GBA1: variants seen among roughly 807,000 people sequenced by gnomAD.
The protein encoded by GBA1 is glucosylceramidase beta 1, also known as lysosomal acid glucosylceramidase.
chr1:155,235,453 G>A, the GBA1 span: 6 of 1,398,710 alleles, frequency 4.3e-6, no homozygotes, highest in African/African-American at 8.6e-5. Context: ...CCATGCTGCT[G>A]GGCACTGACC....
the GBA1 span, chr1:155,244,501 C>T: frequency 6.6e-6 from 1 of 152,348 alleles, no homozygotes; most frequent in African/African-American, 2.4e-5. Flanking sequence ...ATTCATTACG[C>T]CTACCGTCGG....
the GBA1 span, chr1:155,241,015 C>T: frequency 2.2e-6 from 3 of 1,378,390 alleles, no homozygotes; most frequent in African/African-American, 2.9e-5. Flanking sequence ...GAGAGTCTGT[C>T]ATTCATTAAA....
At chr1:155,235,976 T>C in the GBA1 span, 1 of 1,045,700 alleles carries the variant, frequency 9.6e-7, no homozygotes, top group Non-Finnish European at 1.5e-6. Flanking sequence ...CCTTAGTAGC[T>C]AAGGAGTTGG....
At chr1:155,238,658 A>G in the GBA1 span, 1 of 1,613,750 alleles carries the variant, frequency 6.2e-7, no homozygotes, top group South Asian at 1.1e-5. Flanking sequence ...TTCCTACAGA[A>G]AAGGATGATC....
chr1:155,242,643 C>CA, the GBA1 span, among the ~76,000 whole-genome samples: 1 of 149,436 alleles, frequency 6.7e-6, no homozygotes, highest in Admixed American at 6.7e-5. Flanking sequence ...GGTTTTGAGA[C>CA]AGAGTCTTGC....
the GBA1 span, chr1:155,235,749 G>A: frequency 6.2e-7 from 1 of 1,614,144 alleles, no homozygotes; most frequent in Non-Finnish European, 8.5e-7. Flanking sequence ...CTACAATGAT[G>A]GGACTGTCGA....
the GBA1 span, chr1:155,240,246 C>T: frequency 1.5e-6 from 1 of 645,176 alleles, no homozygotes. Context: ...GGCGGATCAC[C>T]TGAGGTGAGG....
chr1:155,236,585 G>A, the GBA1 span: 1 of 864,912 alleles, frequency 1.2e-6, no homozygotes, highest in Non-Finnish European at 1.9e-6. Context: ...GAGAGGTTTG[G>A]GGAGATTTTT....
chr1:155,235,270 G>A, the GBA1 span: 1 of 1,613,830 alleles, frequency 6.2e-7, no homozygotes, highest in Non-Finnish European at 8.5e-7. Context: ...CTTCTGACTG[G>A]CAACCAGCCC....
At chr1:155,244,557 C>T in the GBA1 span, 1 of 152,250 alleles carries the variant, frequency 6.6e-6, no homozygotes, top group Non-Finnish European at 1.5e-5. Context: ...GAAATCCCAC[C>T]GCAGCCTGCA....
At chr1:155,237,247 T>C in the GBA1 span, 23 of 1,596,380 alleles carry the variant, frequency 1.4e-5, no homozygotes, top group East Asian at 4.5e-5. Flanking sequence ...TAGGAATCCA[T>C]AGTTGGGTAG....
the GBA1 span, chr1:155,239,888 G>T: frequency 6.2e-7 from 1 of 1,614,112 alleles, no homozygotes; most frequent in Middle Eastern, 1.6e-4. Flanking sequence ...ATGGTTACCT[G>T]TGCCCGTGTG....
the GBA1 span, chr1:155,239,534 T>A: frequency 6.8e-7 from 1 of 1,478,276 alleles, no homozygotes; most frequent in Admixed American, 1.8e-5. Context: ...AGTGAGATTC[T>A]GCCTCAAAAA....
At chr1:155,235,347 G>C in the GBA1 span, 1 of 1,604,526 alleles carries the variant, frequency 6.2e-7, no homozygotes, top group Non-Finnish European at 8.5e-7. Context: ...GTCCCTCGGG[G>C]TACCTCCCAT....
At chr1:155,238,769 T>C in the GBA1 span, 3 of 1,580,046 alleles carry the variant, frequency 1.9e-6, no homozygotes, top group Admixed American at 3.5e-5. Flanking sequence ...CTTGGGCTCC[T>C]GGGTTGGAAC....
chr1:155,236,163 GGAAGGGCTTCT>G, the GBA1 span: 8 of 1,229,228 alleles, frequency 6.5e-6, no homozygotes, highest in East Asian at 2.0e-4. Context: ...AAGCTGGACA[GGAAGGGCTTCT>G]GTCAGTCTTT....
the GBA1 span, chr1:155,235,889 G>C: frequency 1.1e-5 from 18 of 1,613,294 alleles, no homozygotes; most frequent in Non-Finnish European, 1.5e-5. Flanking sequence ...CAACACTGGG[G>C]GTCCCCAGAG....
the GBA1 span, chr1:155,237,899 T>C: frequency 1.1e-5 from 7 of 639,910 alleles, no homozygotes; most frequent in Admixed American, 2.1e-4. Flanking sequence ...GAGAGACTCC[T>C]TCTCAAAAAA....
At chr1:155,240,584 A>G in the GBA1 span, 1 of 1,437,326 alleles carries the variant, frequency 7.0e-7, no homozygotes, top group Non-Finnish European at 9.8e-7. Context: ...ACTATGAGGC[A>G]GAAGGGAGGC....
Sources: allele counts gnomAD v4.1 joint callset (sites outside exome capture counted in the v4.1 genomes callset), GRCh38; gene constraint gnomAD v4.1.1; transcripts MANE v1.5; gene names NCBI Gene and HGNC (gene_info 2026-07-23, HGNC 2026-07-21).